Variants in ZNF675 observed in about 807,000 individuals in gnomAD.
ZNF675 encodes the protein TRAF6 inhibitory zinc finger.
In ZNF675, 36 loss-of-function variants were observed where a neutral mutation model predicts 56.1. The observed-to-expected ratio is 0.64, with a 90% CI of 0.49 to 0.85. The LOEUF (loss-of-function observed/expected upper bound fraction) is 0.85. Ranked by LOEUF, ZNF675 falls within the 40% of genes least tolerant of loss-of-function variation. The probability of loss-of-function intolerance (pLI) is 0.00; values close to 1 mark genes in which losing one functional copy is unlikely to be tolerated. For synonymous variants in ZNF675, 200 were observed against 218.9 expected, an observed-to-expected ratio of 0.91 and a Z score of 0.76; for missense variants, 663 against 654.2, an observed-to-expected ratio of 1.01 and a Z score of -0.15.
At chr19:23,657,648 C>T (rs1030030253) in intron 3 of ZNF675, among the ~76,000 whole-genome samples, 1 of 152,108 alleles carries the variant, frequency 6.6e-6, no homozygotes, top group Admixed American at 6.5e-5. Context: ...ACCTGGGAGG[C>T]AGAGGTTGCA....
chr19:23,657,575 G>A (rs1968004689), intron 3 of ZNF675, among the ~76,000 whole-genome samples: 1 of 152,112 alleles, frequency 6.6e-6, no homozygotes, highest in Admixed American at 6.6e-5. Flanking sequence ...AAATTAGCTG[G>A]GCGTGGTGGC....
Position 23,654,060 on chromosome 19 carries a change from T to C in ZNF675, c.873A>G (p.Lys291=), listed in dbSNP as rs780628805. The C allele has an allele frequency of 2.0e-5, 32 of 1,613,634 alleles. No homozygotes were observed. Among genetic ancestry groups the C allele is most frequent in the Non-Finnish European group, 2.5e-5 (29 of 1,179,990 alleles). Residue 291 remains lysine (K), a synonymous_variant, in exon 4 of 4, where the codon AAA becomes AAG. Coordinates refer to ENST00000359788, the MANE Select transcript of ZNF675 (RefSeq NM_138330.3). The part of the protein sequence containing the change: ...EKPYKCEECG[K]AFNQFSNLTT... ...TAAGATTTGAGAACTGGTTAAAGGCTTTGCCACATTCTTCACATTTGTAGG... is the reference window on the plus strand; with the variant it reads ...TAAGATTTGAGAACTGGTTAAAGGCCTTGCCACATTCTTCACATTTGTAGG...
chr19:23,652,940 T>G lies in ZNF675; in HGVS notation c.*286A>C. 4.1e-6 allele frequency: 1 copy of G among 244,816 alleles called. No homozygotes were observed. The allele number at this position is 244,816 out of a possible 1,614,324, so 15.2% of individuals were successfully genotyped here. A position where few individuals can be genotyped will look rare whatever the true frequency, so the allele number is the denominator to read the frequency against. ...TAATGCTTTTATTAAGTACCAACAT[T>G]CTGATATTAAGATGTCAACAGATAT... On this transcript the variant is annotated 3_prime_UTR_variant, in exon 4 of 4. Coordinates refer to ENST00000359788, the MANE Select transcript of ZNF675 (RefSeq NM_138330.3).
At chr19:23,687,006 G>C in intron 1 of ZNF675, 25 bp downstream of exon 1, 1 of 1,613,680 alleles carries the variant, frequency 6.2e-7, no homozygotes, top group Non-Finnish European at 8.5e-7. Context: ...TCCCCCTCTC[G>C]GGATGTCGCA....
chr19:23,687,143 A>G lies in ZNF675; in HGVS notation c.-110T>C. On this transcript the variant is annotated 5_prime_UTR_variant, in exon 1 of 4. Coordinates refer to ENST00000359788, the MANE Select transcript of ZNF675 (RefSeq NM_138330.3). Reference sequence around the variant, plus strand: ...AGGAGCAGAGGACACAGAGCAATGAAAGCGAGACCTGGAGCTCCGGCTGCA... The same window carrying G: ...AGGAGCAGAGGACACAGAGCAATGAGAGCGAGACCTGGAGCTCCGGCTGCA... 1 of 1,323,174 alleles carries G rather than the reference A, an allele frequency of 7.6e-7. No homozygotes were observed. Among genetic ancestry groups the G allele is most frequent in the Non-Finnish European group, 1.1e-6 (1 of 930,874 alleles). 82.0% of individuals were successfully genotyped at this position (1,323,174 alleles called of 1,614,324 possible). A position where few individuals can be genotyped will look rare whatever the true frequency, so the allele number is the denominator to read the frequency against.
intron 1 of ZNF675, among the ~76,000 whole-genome samples, chr19:23,664,218 T>C (rs74677475): frequency 6.6e-6 from 1 of 152,180 alleles, no homozygotes. Flanking sequence ...AGCCATTTTT[T>C]CCTTTCTCTG....
At chr19:23,669,191 G>A (rs1322281649) in intron 1 of ZNF675, among the ~76,000 whole-genome samples, 1 of 152,228 alleles carries the variant, frequency 6.6e-6, no homozygotes, top group Admixed American at 6.5e-5. Context: ...GATGTTCTCT[G>A]AAGGCCAATG....
chr19:23,678,553 A>G (rs999889449), intron 1 of ZNF675, among the ~76,000 whole-genome samples: 80 of 124,806 alleles, frequency 6.4e-4, no homozygotes, highest in Admixed American at 5.3e-4. Flanking sequence ...ACCTGGCCTC[A>G]AAAATATTCT....
chr19:23,662,153 A>C lies in ZNF675; in HGVS notation c.187T>G (p.Leu63Val), dbSNP rs1968087328. Reference protein sequence around the residue: ...ITCLEQEKEPLTVKRHEMVNE... With the variant: ...ITCLEQEKEPVTVKRHEMVNE... ...ACCATCTCATGTCTCTTCACAGTCA[A>C]AGGCTCTTTTTCTTGCTCCAGACAG... Residue 63 changes from leucine (L) to valine (V), a missense_variant, in exon 3 of 4, where the codon TTG (leucine) becomes GTG (valine). Physicochemically the swap from Leu to Val is conservative, Grantham distance 32 (BLOSUM62 1). This residue lies in a region of ZNF675 where 617 missense variants were observed against 590.5 expected (regional missense o/e 1.04). Coordinates refer to ENST00000359788, the MANE Select transcript of ZNF675 (RefSeq NM_138330.3). 2 of 1,613,608 alleles carry C rather than the reference A, an allele frequency of 1.2e-6. No individual in the cohort carries two copies. The highest frequency in any genetic ancestry group is 1.7e-6 in the Non-Finnish European group (2 of 1,179,826).
chr19:23,656,227 C>G (rs1337170791), intron 3 of ZNF675: 4 of 152,164 alleles, frequency 2.6e-5, no homozygotes, highest in Admixed American at 2.6e-4. Context: ...TCAACATATT[C>G]TTGGCTCAAG....
At chr19:23,685,254 G>A (rs978544428) in intron 1 of ZNF675, among the ~76,000 whole-genome samples, 1 of 152,102 alleles carries the variant, frequency 6.6e-6, no homozygotes, top group Non-Finnish European at 1.5e-5. Context: ...GTGCACCACC[G>A]TGCACGCAAG....
intron 1 of ZNF675, among the ~76,000 whole-genome samples, chr19:23,676,919 A>T (rs1158593096): frequency 2.0e-5 from 3 of 151,350 alleles, no homozygotes; most frequent in Non-Finnish European, 4.4e-5. Context: ...CTAAAAATAC[A>T]AAAAATTAGC....
chr19:23,683,684 T>C (rs2034150951), intron 1 of ZNF675, among the ~76,000 whole-genome samples: 1 of 152,134 alleles, frequency 6.6e-6, no homozygotes, highest in African/African-American at 2.4e-5. Flanking sequence ...TCTTTCAAAA[T>C]GCTGGGATAA....
At chr19:23,686,650 A>G (rs115172938) in intron 1 of ZNF675, among the ~76,000 whole-genome samples, 2,234 of 152,208 alleles carry the variant, frequency 0.015, 51 homozygotes, top group African/African-American at 0.051. Context: ...TAATAGGAGA[A>G]AACAGGAACT....
intron 1 of ZNF675, among the ~76,000 whole-genome samples, chr19:23,670,401 T>C (rs1460430139): frequency 6.6e-6 from 1 of 152,112 alleles, no homozygotes; most frequent in African/African-American, 2.4e-5. Context: ...TTCATGACCC[T>C]ATATCAAAAC....
rs370316724 is a variant in ZNF675 at position 23,687,051 on chromosome 19, G to C, written c.-18C>G. On this transcript the variant is annotated 5_prime_UTR_variant, in exon 1 of 4. Transcript: ENST00000359788. ...CTCACCATTTCTAGGCTTCCAGGGG[G>C]TCCTGGAGTCTTAGCTGTGGATCTC... 1.9e-5 allele frequency: 31 copies of C among 1,613,376 alleles called. No homozygotes were observed. Among genetic ancestry groups the C allele is most frequent in the Non-Finnish European group, 2.5e-5 (29 of 1,179,634 alleles).
At chr19:23,674,033 T>C (rs937601692) in intron 1 of ZNF675, among the ~76,000 whole-genome samples, 2 of 150,770 alleles carry the variant, frequency 1.3e-5, no homozygotes, top group South Asian at 4.2e-4. Flanking sequence ...TGAAACACTG[T>C]CTCTACTAAA....
At chr19:23,666,855 C>T (rs1005087385) in intron 1 of ZNF675, among the ~76,000 whole-genome samples, 5 of 152,010 alleles carry the variant, frequency 3.3e-5, no homozygotes, top group Middle Eastern at 3.2e-3. Context: ...GAAAGGTTTC[C>T]ACGTGCAAGT....
At chr19:23,656,429 TC>T (rs1358455582) in intron 3 of ZNF675, 1 of 152,080 alleles carries the variant, frequency 6.6e-6, no homozygotes, top group Non-Finnish European at 1.5e-5. Context: ...AAACCCCTTC[TC>T]TACTAAAAAC....
Sources: gnomAD v4.1 joint callset for allele counts (sites outside exome capture counted in the v4.1 genomes callset) on GRCh38, gnomAD v4.1.1 for gene constraint, gnomAD v4.1.1 regional missense constraint, MANE v1.5 for transcripts, NCBI Gene and HGNC (gene_info 2026-07-23, HGNC 2026-07-21) for gene names.